SUPT3H: variants seen among roughly 807,000 people sequenced by gnomAD.
SUPT3H encodes transcription initiation protein SPT3 homolog.
Under a neutral mutation model 44.3 loss-of-function variants are expected in SUPT3H, and 44 were observed. The observed-to-expected ratio is 0.99, with a 90% confidence interval of 0.78 to 1.28. The LOEUF is 1.28. Among genes scored for constraint, SUPT3H ranks in the 50% most tolerant of loss-of-function variants. SUPT3H has a pLI of 0.00. For missense variants in SUPT3H, 380 were observed against 387.1 expected (o/e 0.98, Z 0.15); for synonymous variants, 124 against 125.6 (o/e 0.99, Z 0.09).
At chr6:45,279,923 C>A (rs956611601) in intron 2 of SUPT3H, among the ~76,000 whole-genome samples, 1 of 152,194 alleles carries the variant, frequency 6.6e-6, no homozygotes, top group East Asian at 1.9e-4. Flanking sequence ...TTCTAATATA[C>A]CTGCTCTACT....
At chr6:45,262,679 C>T (rs1384392397) in intron 2 of SUPT3H, among the ~76,000 whole-genome samples, 1 of 152,070 alleles carries the variant, frequency 6.6e-6, no homozygotes, top group African/African-American at 2.4e-5. Flanking sequence ...AACTTCTGCA[C>T]AGCAGAAGAA....
chr6:44,981,031 A>G (rs1779021263), intron 6 of SUPT3H, among the ~76,000 whole-genome samples: 1 of 152,228 alleles, frequency 6.6e-6, no homozygotes, highest in South Asian at 2.1e-4. Flanking sequence ...ATTCACTCCA[A>G]TGCCTACTTA....
At chr6:44,927,128 C>G (rs1270569950) in intron 10 of SUPT3H, among the ~76,000 whole-genome samples, 1 of 151,948 alleles carries the variant, frequency 6.6e-6, no homozygotes, top group South Asian at 2.1e-4. Context: ...AATAAAGGTA[C>G]AGTTAGATGT....
intron 2 of SUPT3H, among the ~76,000 whole-genome samples, chr6:45,273,625 C>G (rs1298012830): frequency 6.6e-6 from 1 of 152,086 alleles, no homozygotes; most frequent in Non-Finnish European, 1.5e-5. Flanking sequence ...TTTAAAAGAC[C>G]CCTTGTATAT....
At chr6:45,087,203 T>C (rs1251847937) in intron 3 of SUPT3H, among the ~76,000 whole-genome samples, 1 of 151,976 alleles carries the variant, frequency 6.6e-6, no homozygotes, top group Non-Finnish European at 1.5e-5. Flanking sequence ...GCAGAACTAC[T>C]ATACTGCATT....
chr6:45,323,799 A>G (rs1785916285), intron 2 of SUPT3H, among the ~76,000 whole-genome samples: 1 of 152,122 alleles, frequency 6.6e-6, no homozygotes, highest in Non-Finnish European at 1.5e-5. Context: ...AGTTTTACCT[A>G]CAGCCATGTT....
At chr6:45,327,786 A>G (rs1365876464) in intron 2 of SUPT3H, among the ~76,000 whole-genome samples, 1 of 151,830 alleles carries the variant, frequency 6.6e-6, no homozygotes, top group African/African-American at 2.4e-5. Context: ...AGACAAGAAA[A>G]AGGAAAACAG....
chr6:45,344,593 G>A (rs890017837), intron 2 of SUPT3H, among the ~76,000 whole-genome samples: 5 of 151,990 alleles, frequency 3.3e-5, no homozygotes, highest in African/African-American at 9.7e-5. Flanking sequence ...AAACTATTAA[G>A]AGGCCACAAA....
At chr6:45,253,559 A>T (rs1772757366) in intron 2 of SUPT3H, among the ~76,000 whole-genome samples, 2 of 151,986 alleles carry the variant, frequency 1.3e-5, no homozygotes, top group South Asian at 4.1e-4. Context: ...GGGAGGCTGA[A>T]GTGGGAGGAT....
rs149602058 is a variant in SUPT3H, at chr6:44,974,257, A to G, written c.505-12429T>C. 6.2e-3 allele frequency among the ~76,000 whole-genome samples: 941 copies of G among 151,534 alleles called. 4 individuals carry two copies. The highest frequency in any genetic ancestry group is 0.02 in the African/African-American group (815 of 41,198). On this transcript the variant is annotated intron_variant, in intron 6 of 10. Transcript: ENST00000371459. ...TTCATATATACATGTTTGTATATAT[A>G]AATATATATATGTCTGTATAACTAT...
At chr6:44,821,685 T>TAA (rs923792486) in intron 11 of SUPT3H, among the ~76,000 whole-genome samples, 6 of 152,180 alleles carry the variant, frequency 3.9e-5, no homozygotes, top group African/African-American at 1.4e-4. Context: ...TTCCTAATGT[T>TAA]AAAAATATCA....
intron 6 of SUPT3H, among the ~76,000 whole-genome samples, chr6:44,980,346 A>G (rs184375276): frequency 6.6e-5 from 10 of 152,076 alleles, no homozygotes; most frequent in African/African-American, 2.2e-4. Flanking sequence ...TAACAAAATC[A>G]TTTTTTTCTT....
At chr6:44,817,243 A>C (rs1324831322) in intron 11 of SUPT3H, among the ~76,000 whole-genome samples, 2 of 152,148 alleles carry the variant, frequency 1.3e-5, no homozygotes, top group Non-Finnish European at 2.9e-5. Context: ...AAAAAAAAAA[A>C]AAACTCATTG....
chr6:44,872,414 G>A (rs1403502518), intron 10 of SUPT3H, among the ~76,000 whole-genome samples: 1 of 130,694 alleles, frequency 7.7e-6, no homozygotes, highest in African/African-American at 2.8e-5. Flanking sequence ...CATAAGTGAA[G>A]GAGAAATAAA....
At chr6:44,855,004 T>A (rs1773496355) in intron 10 of SUPT3H, among the ~76,000 whole-genome samples, 1 of 152,166 alleles carries the variant, frequency 6.6e-6, no homozygotes, top group South Asian at 2.1e-4. Context: ...CACCTTAGAA[T>A]GAAAACAATC....
At chr6:44,922,346 T>G (rs1768860337) in intron 10 of SUPT3H, among the ~76,000 whole-genome samples, 1 of 152,240 alleles carries the variant, frequency 6.6e-6, no homozygotes, top group Non-Finnish European at 1.5e-5. Context: ...TTTTGAAAGG[T>G]GCAAATTTCC....
intron 1 of SUPT3H, among the ~76,000 whole-genome samples, chr6:45,376,064 T>G (rs1190975655): frequency 1.3e-5 from 2 of 152,316 alleles, no homozygotes; most frequent in South Asian, 2.1e-4. Context: ...TGGTAAAAGA[T>G]AGCAGAAACC....
intron 2 of SUPT3H, among the ~76,000 whole-genome samples, chr6:45,267,827 G>C (rs893276906): frequency 2.8e-5 from 4 of 141,918 alleles, no homozygotes; most frequent in African/African-American, 7.4e-5. Flanking sequence ...GCATGACCTA[G>C]GTTGCCCCCT....
intron 3 of SUPT3H, among the ~76,000 whole-genome samples, chr6:45,025,109 C>T (rs1785759970): frequency 6.6e-6 from 1 of 152,160 alleles, no homozygotes; most frequent in African/African-American, 2.4e-5. Flanking sequence ...GGTGTGCACA[C>T]TCACACATAC....
Sources: allele counts gnomAD v4.1 joint callset (sites outside exome capture counted in the v4.1 genomes callset), GRCh38; gene constraint gnomAD v4.1.1; transcripts MANE v1.5; gene names NCBI Gene and HGNC (gene_info 2026-07-23, HGNC 2026-07-21).